Variants in POLR1A observed in about 807,000 individuals in gnomAD.
POLR1A encodes RNA polymerase I subunit A.
A neutral mutation model predicts 205.3 loss-of-function variants in POLR1A; 84 were observed. That is an observed-to-expected ratio of 0.41 (90% CI 0.34 to 0.49). The LOEUF (loss-of-function observed/expected upper bound fraction) is 0.49. POLR1A is among the 20% of genes least tolerant of loss of function. The probability of loss-of-function intolerance (pLI) is 0.22; values close to 1 mark genes in which losing one functional copy is unlikely to be tolerated. For missense variants in POLR1A, 1,645 were observed against 2,204.5 expected, an observed-to-expected ratio of 0.75 and a Z score of 5.08; for synonymous variants, 799 against 863.7, an observed-to-expected ratio of 0.93 and a Z score of 1.31.
intron 26 of POLR1A, among the ~76,000 whole-genome samples, chr2:86,039,085 C>G (rs551206109): frequency 6.6e-6 from 1 of 152,116 alleles, no homozygotes; most frequent in Non-Finnish European, 1.5e-5. Flanking sequence ...CTCAGCAGAG[C>G]GGGTAGGCAA....
chr2:86,088,901 G>A, intron 4 of POLR1A, 31 bp from the exon 5 acceptor site: 1 of 1,486,712 alleles, frequency 6.7e-7, no homozygotes, highest in Non-Finnish European at 9.3e-7. Context: ...AGAGAACCTT[G>A]GAGTGCCATT....
Position 86,033,740 on chromosome 2 carries a change from G to A in POLR1A, c.4082C>T (p.Ala1361Val). 6.2e-7 allele frequency: 1 copy of A among 1,613,946 alleles called. No individual in the cohort carries two copies. Among genetic ancestry groups the A allele is most frequent in the Non-Finnish European group, 8.5e-7 (1 of 1,179,906 alleles). Reference protein sequence around the residue: ...MESIKKKNNKASAFRNVNTRR... With the variant: ...MESIKKKNNKVSAFRNVNTRR... Reference sequence around the variant, plus strand: ...AGTGTTTACGTTCCTGAAAGCTGATGCTTTATTATTCTTCTTTTTGATGGA... The same window carrying A: ...AGTGTTTACGTTCCTGAAAGCTGATACTTTATTATTCTTCTTTTTGATGGA... The change falls in exon 28 of 34, where the codon GCA becomes GTA. Residue 1361 changes from alanine to valine, a missense_variant. Physicochemically the swap from Ala to Val is moderately conservative, Grantham distance 64 (BLOSUM62 0). Around this residue, in one of 16 missense-constraint regions of POLR1A, gnomAD observed 394 missense variants for 468.5 expected, o/e 0.84. Coordinates refer to ENST00000263857, the MANE Select transcript of POLR1A (RefSeq NM_015425.6).
chr2:86,079,563 C>CT (rs1006983303), intron 9 of POLR1A, among the ~76,000 whole-genome samples: 10 of 149,130 alleles, frequency 6.7e-5, no homozygotes, highest in African/African-American at 1.5e-4. Flanking sequence ...ACCAATTTTT[C>CT]TTTTTTTTTT....
chr2:86,044,020 C>A, intron 22 of POLR1A, 119 bp downstream of exon 22: 1 of 881,230 alleles, frequency 1.1e-6, no homozygotes, highest in South Asian at 1.6e-5. Context: ...AAACCCTTCC[C>A]ACTCTACTTT....
chr2:86,030,276 T>C lies in POLR1A; in HGVS notation c.4699A>G (p.Thr1567Ala), dbSNP rs780332436. ...TCCTTCTCGTTCTTATTGTTGGTTG[T>C]TTCATTCAGGAGGCACCGAGTGATG... ...KGITRCLLNETTNNKNEKELV... is the reference protein window; with the variant it reads ...KGITRCLLNEATNNKNEKELV... Residue 1567 changes from threonine to alanine, a missense_variant, in exon 31 of 34, where the codon ACA (threonine) becomes GCA (alanine). By Grantham distance (58) the Thr-to-Ala change is moderately conservative. Around this residue, in one of 16 missense-constraint regions of POLR1A, gnomAD observed 394 missense variants for 468.5 expected, o/e 0.84. Coordinates refer to ENST00000263857, the MANE Select transcript of POLR1A (RefSeq NM_015425.6). The C allele has an allele frequency of 1.9e-6, 3 of 1,614,220 alleles. No homozygotes were observed. The South Asian group carries it at 3.3e-5, about 18-fold the overall frequency.
intron 1 of POLR1A, among the ~76,000 whole-genome samples, chr2:86,102,920 TG>T (rs61477992): frequency 0.028 from 4,303 of 152,260 alleles, 97 homozygotes; most frequent in East Asian, 0.098. Context: ...GAACTGAGAA[TG>T]GGTGTCGTTA....
chr2:86,099,745 G>A (rs1332117853), intron 2 of POLR1A, among the ~76,000 whole-genome samples: 1 of 152,170 alleles, frequency 6.6e-6, no homozygotes, highest in Non-Finnish European at 1.5e-5. Flanking sequence ...GAATCAGGCT[G>A]TGGCTCTATT....
At chr2:86,084,684 T>C (rs1380133027) in intron 6 of POLR1A, among the ~76,000 whole-genome samples, 50 of 137,374 alleles carry the variant, frequency 3.6e-4, no homozygotes, top group South Asian at 7.4e-4. Flanking sequence ...TTTTTTTTTT[T>C]CAAGACGGAG....
At chr2:86,077,720 C>A (rs1175387950) in intron 11 of POLR1A, 139 bp downstream of exon 11, 2 of 1,053,504 alleles carry the variant, frequency 1.9e-6, no homozygotes, top group South Asian at 1.4e-5. Context: ...CCGCCCAAGC[C>A]AGAATAATCT....
chr2:86,034,458 C>T (rs1306201546), intron 27 of POLR1A, among the ~76,000 whole-genome samples: 1 of 152,216 alleles, frequency 6.6e-6, no homozygotes, highest in Admixed American at 6.5e-5. Flanking sequence ...TAGAACCACA[C>T]CAATTTAAAA....
In POLR1A at chr2:86,048,931, GATCA is replaced by G; in HGVS notation, c.2583_2586del (p.Asp862Ter). On this transcript the variant is annotated frameshift_variant, in exon 18 of 34. Transcript: ENST00000263857. LOFTEE classifies it high-confidence loss of function. ...TGGTTCACTTCCTCCTTGAACTTCA[GATCA>G]ATCATGTTAAAATCCCTCTGGTCCT... 6.2e-7 allele frequency: 1 copy of G among 1,614,164 alleles called. No homozygotes were observed. The highest frequency in any genetic ancestry group is 8.5e-7 in the Non-Finnish European group (1 of 1,179,954).
chr2:86,073,577 C>G (rs1673218677), intron 12 of POLR1A, among the ~76,000 whole-genome samples: 1 of 152,232 alleles, frequency 6.6e-6, no homozygotes, highest in Admixed American at 6.5e-5. Context: ...GCACATTCCC[C>G]TCAAACTTGT....
chr2:86,033,165 G>A (rs1672426223), intron 28 of POLR1A, among the ~76,000 whole-genome samples: 1 of 152,168 alleles, frequency 6.6e-6, no homozygotes, highest in African/African-American at 2.4e-5. Context: ...ATTTATTCCT[G>A]GACTATTTTG....
intron 16 of POLR1A, among the ~76,000 whole-genome samples, chr2:86,049,577 T>C (rs2104396067): frequency 6.6e-6 from 1 of 152,146 alleles, no homozygotes; most frequent in South Asian, 2.1e-4. Context: ...TCCATAGACA[T>C]GTGTTGGATG....
At chr2:86,049,310 G>A (rs1055632473) in intron 16 of POLR1A, 68 bp from the exon 17 acceptor site, 1 of 1,104,296 alleles carries the variant, frequency 9.1e-7, no homozygotes, top group Admixed American at 1.7e-5. Flanking sequence ...ACTAAACTCA[G>A]TAAGGCCAGA....
chr2:86,087,191 G>A (rs1673517475), intron 6 of POLR1A, among the ~76,000 whole-genome samples: 1 of 152,108 alleles, frequency 6.6e-6, no homozygotes, highest in Admixed American at 6.5e-5. Flanking sequence ...TCTGTACTAT[G>A]TTTACTACTC....
chr2:86,045,598 G>A lies in POLR1A; in HGVS notation c.2886+19C>T. 1 of 1,613,898 alleles carries A rather than the reference G, an allele frequency of 6.2e-7. No individual in the cohort carries two copies. The highest frequency in any genetic ancestry group is 8.5e-7 in the Non-Finnish European group (1 of 1,179,822). ...TAGAAATGAGGGAAAAAGCTAAATG[G>A]AAAAACCAAAATACATACAGGAGGT... is the stretch of plus-strand genomic sequence containing the variant. On this transcript the variant is annotated intron_variant, in intron 20 of 33. Coordinates refer to ENST00000263857, the MANE Select transcript of POLR1A (RefSeq NM_015425.6).
chr2:86,084,920 T>C (rs1485241487), intron 6 of POLR1A, among the ~76,000 whole-genome samples: 1 of 152,160 alleles, frequency 6.6e-6, no homozygotes, highest in Non-Finnish European at 1.5e-5. Context: ...AAATGCACCA[T>C]AATTTAAGTA....
At position 86,020,691 on chromosome 2, in the gene POLR1A, A is replaced by G. The variant is rs1234270685; in HGVS notation, c.*6732T>C. The G allele has an allele frequency of 1.3e-5, 2 of 152,040 alleles. No individual in the cohort carries two copies. The highest frequency in any genetic ancestry group is 2.9e-5 in the Non-Finnish European group (2 of 68,032). The allele number at this position is 152,040 out of a possible 1,614,324, so 9.4% of individuals were successfully genotyped here. A position where few individuals can be genotyped will look rare whatever the true frequency, so the allele number is the denominator to read the frequency against. On this transcript the variant is annotated 3_prime_UTR_variant, in exon 34 of 34. Coordinates refer to ENST00000263857, the MANE Select transcript of POLR1A (RefSeq NM_015425.6). ...GGTTTCCTCAACCTCGGCATTATTGATATTTGGGGCTGGACAATTCTTTGC... is the reference window on the plus strand; with the variant it reads ...GGTTTCCTCAACCTCGGCATTATTGGTATTTGGGGCTGGACAATTCTTTGC...
Sources: gnomAD v4.1 joint callset for allele counts (sites outside exome capture counted in the v4.1 genomes callset) on GRCh38, gnomAD v4.1.1 for gene constraint, gnomAD v4.1.1 regional missense constraint, MANE v1.5 for transcripts, NCBI Gene and HGNC (gene_info 2026-07-23, HGNC 2026-07-21) for gene names.